Variants in CTNND2 observed in about 807,000 individuals in gnomAD.
The protein encoded by CTNND2 is catenin delta 2.
In CTNND2, 22 loss-of-function variants were observed where a neutral mutation model predicts 144.4. That is an observed-to-expected ratio of 0.15 (90% CI 0.11 to 0.22). The LOEUF (loss-of-function observed/expected upper bound fraction) is 0.22, where lower values mean the gene tolerates loss of function less well. Ranked by LOEUF, CTNND2 falls within the 10% of genes least tolerant of loss-of-function variation. The pLI is 1.00. For synonymous variants in CTNND2, 751 were observed against 695.6 expected (o/e 1.08, Z -1.25); for missense variants, 1,353 against 1,618.8 (o/e 0.84, Z 2.82).
At chr5:11,887,971 G>A (rs1400051459) in intron 1 of CTNND2, among the ~76,000 whole-genome samples, 2 of 152,070 alleles carry the variant, frequency 1.3e-5, no homozygotes, top group East Asian at 3.9e-4. Context: ...TTTTTTAATT[G>A]ACACTTTTTA....
intron 3 of CTNND2, among the ~76,000 whole-genome samples, chr5:11,506,688 T>G (rs560894374): frequency 6.6e-6 from 1 of 152,230 alleles, no homozygotes; most frequent in African/African-American, 2.4e-5. Flanking sequence ...TTCATTTTTT[T>G]AAAAGATAAA....
intron 1 of CTNND2, among the ~76,000 whole-genome samples, chr5:11,833,648 C>T (rs920638270): frequency 6.6e-6 from 1 of 152,028 alleles, no homozygotes; most frequent in Non-Finnish European, 1.5e-5. Context: ...CTCAGCCTCC[C>T]GAGTAGCTGG....
At chr5:11,816,234 G>C (rs1225991861) in intron 1 of CTNND2, among the ~76,000 whole-genome samples, 1 of 152,156 alleles carries the variant, frequency 6.6e-6, no homozygotes, top group African/African-American at 2.4e-5. Flanking sequence ...TTTCTTTGGT[G>C]AGATCGGTCA....
chr5:11,277,109 A>G (rs1580775567), intron 9 of CTNND2, among the ~76,000 whole-genome samples: 1 of 152,198 alleles, frequency 6.6e-6, no homozygotes, highest in East Asian at 1.9e-4. Context: ...CTCCCTTACT[A>G]TGTAGAACAG....
intron 1 of CTNND2, among the ~76,000 whole-genome samples, chr5:11,893,549 T>C (rs546941873): frequency 2.6e-5 from 4 of 152,336 alleles, no homozygotes; most frequent in Non-Finnish European, 5.9e-5. Flanking sequence ...ACCTTTCCAC[T>C]TCTTGAAATT....
At chr5:11,429,512 A>G (rs1030360170) in intron 3 of CTNND2, among the ~76,000 whole-genome samples, 13 of 152,304 alleles carry the variant, frequency 8.5e-5, no homozygotes, top group African/African-American at 3.1e-4. Context: ...GCAGGCTGCC[A>G]GGACATTCTT....
intron 1 of CTNND2, among the ~76,000 whole-genome samples, chr5:11,893,360 C>G (rs1737139121): frequency 6.6e-6 from 1 of 152,192 alleles, no homozygotes; most frequent in South Asian, 2.1e-4. Context: ...CAGAGGGGGA[C>G]AGATTATCTA....
intron 3 of CTNND2, among the ~76,000 whole-genome samples, chr5:11,543,346 T>C (rs967802155): frequency 1.3e-5 from 2 of 152,214 alleles, no homozygotes; most frequent in African/African-American, 2.4e-5. Context: ...AGGGAGACCC[T>C]GCAAGGCTTC....
At chr5:10,999,483 AAGC>A (rs1739696180) in intron 18 of CTNND2, among the ~76,000 whole-genome samples, 1 of 152,206 alleles carries the variant, frequency 6.6e-6, no homozygotes, top group Non-Finnish European at 1.5e-5. Context: ...CCCAGGGAAG[AAGC>A]AGGGAGAGTG....
At chr5:11,520,424 G>A (rs535927904) in intron 3 of CTNND2, among the ~76,000 whole-genome samples, 55 of 152,340 alleles carry the variant, frequency 3.6e-4, no homozygotes, top group Middle Eastern at 3.4e-3. Flanking sequence ...ACTAGGTCAT[G>A]CTGGATTTAG....
chr5:11,085,439 C>T (rs1163558285), intron 15 of CTNND2, among the ~76,000 whole-genome samples: 1 of 152,150 alleles, frequency 6.6e-6, no homozygotes, highest in African/African-American at 2.4e-5. Context: ...AGGTCCAATA[C>T]AAGAAGTCAT....
chr5:10,984,526 C>T (rs889131777), intron 20 of CTNND2, among the ~76,000 whole-genome samples: 5 of 152,118 alleles, frequency 3.3e-5, no homozygotes, highest in Non-Finnish European at 7.3e-5. Flanking sequence ...CTTAAAAGCA[C>T]GAGGCACAGT....
intron 1 of CTNND2, among the ~76,000 whole-genome samples, chr5:11,752,173 A>C (rs4343838): frequency 0.96 from 145,666 of 151,974 alleles, 70,100 homozygotes; most frequent in East Asian, 1. Context: ...ACTCTATTTT[A>C]TTTTGCTGTG....
chr5:11,198,225 C>A (rs6878462), intron 11 of CTNND2, among the ~76,000 whole-genome samples: 14 of 152,172 alleles, frequency 9.2e-5, no homozygotes, highest in Non-Finnish European at 1.8e-4. Context: ...TGACTCATGT[C>A]TCCCCACATT....
At position 11,026,643 on chromosome 5, in the gene CTNND2, C is replaced by T. The variant is rs923732509; in HGVS notation, c.2789-3664G>A. ...AAGTGCTGGGATTACAGGTGTAAGC[C>T]ACCATGCACAGCTGACTCTACCTTC... On this transcript the variant is annotated intron_variant, in intron 16 of 21. Transcript: ENST00000304623. Among the ~76,000 whole-genome samples the T allele has an allele frequency of 5.9e-5, 9 of 152,132 alleles. 1 individual carries two copies. Among genetic ancestry groups the T allele is most frequent in the Admixed American group, 3.3e-4 (5 of 15,264 alleles).
intron 5 of CTNND2, 55 bp from the exon 6 acceptor site, chr5:11,397,258 A>G: frequency 6.7e-7 from 1 of 1,495,908 alleles, no homozygotes; most frequent in Non-Finnish European, 9.2e-7. Flanking sequence ...AGCAGAAATG[A>G]CATGTATTAT....
At chr5:11,532,062 C>T (rs990239518) in intron 3 of CTNND2, among the ~76,000 whole-genome samples, 6 of 152,124 alleles carry the variant, frequency 3.9e-5, no homozygotes, top group African/African-American at 1.4e-4. Context: ...ATTATGCTCC[C>T]CTCCAGGAAT....
At chr5:11,407,116 G>T (rs1761160795) in intron 5 of CTNND2, among the ~76,000 whole-genome samples, 1 of 152,116 alleles carries the variant, frequency 6.6e-6, no homozygotes, top group Non-Finnish European at 1.5e-5. Flanking sequence ...ATAAAAGGAT[G>T]CATAGATTAA....
At chr5:11,339,968 T>C (rs1754078388) in intron 9 of CTNND2, among the ~76,000 whole-genome samples, 1 of 152,220 alleles carries the variant, frequency 6.6e-6, no homozygotes, top group African/African-American at 2.4e-5. Context: ...CAAATCCACA[T>C]ATTGGAAGTG....
Sources: gnomAD v4.1 joint callset for allele counts (sites outside exome capture counted in the v4.1 genomes callset) on GRCh38, gnomAD v4.1.1 for gene constraint, MANE v1.5 for transcripts, NCBI Gene and HGNC (gene_info 2026-07-23, HGNC 2026-07-21) for gene names.